EXT2: variants seen among roughly 807,000 people sequenced by gnomAD.
EXT2 encodes the protein exostosin-2.
In EXT2, 53 loss-of-function variants were observed where a neutral mutation model predicts 81.6. The ratio of observed to expected loss-of-function variants is 0.65; its 90% confidence interval spans 0.52 to 0.82. The LOEUF is 0.82. Among genes scored for constraint, EXT2 ranks in the 40% least tolerant of loss-of-function variants. The probability of loss-of-function intolerance (pLI) is 0.00; values close to 1 mark genes in which losing one functional copy is unlikely to be tolerated. For missense variants in EXT2, 774 were observed against 910.2 expected, an observed-to-expected ratio of 0.85 and a Z score of 1.93; for synonymous variants, 320 against 340.0, an observed-to-expected ratio of 0.94 and a Z score of 0.65.
At chr11:44,144,425 G>T (rs1322152356) in intron 7 of EXT2, 1 of 1,132,820 alleles carries the variant, frequency 8.8e-7, no homozygotes, top group Non-Finnish European at 1.3e-6. Context: ...CAGTTTTATT[G>T]GTCAGTGGCT....
intron 7 of EXT2, among the ~76,000 whole-genome samples, chr11:44,157,052 G>T (rs921453565): frequency 6.6e-6 from 1 of 152,200 alleles, no homozygotes; most frequent in African/African-American, 2.4e-5. Context: ...AAAGTCTCTT[G>T]TTCTCTTTTC....
chr11:44,204,765 G>GT (rs1955562742), intron 9 of EXT2, among the ~76,000 whole-genome samples: 1 of 152,158 alleles, frequency 6.6e-6, no homozygotes, highest in Admixed American at 6.5e-5. Flanking sequence ...AGGTGGAGTA[G>GT]TTTCATCCTA....
intron 10 of EXT2, among the ~76,000 whole-genome samples, chr11:44,213,552 T>A (rs957420227): frequency 6.6e-6 from 1 of 152,174 alleles, no homozygotes; most frequent in Admixed American, 6.5e-5. Flanking sequence ...AAGAGCTAAA[T>A]GGAAATTTCA....
At chr11:44,160,414 G>A (rs904160306) in intron 7 of EXT2, among the ~76,000 whole-genome samples, 4 of 152,154 alleles carry the variant, frequency 2.6e-5, no homozygotes, top group Non-Finnish European at 5.9e-5. Flanking sequence ...TTTTACTTGT[G>A]TTAGGACAGA....
At chr11:44,149,376 T>C (rs998853131) in intron 7 of EXT2, among the ~76,000 whole-genome samples, 1 of 152,044 alleles carries the variant, frequency 6.6e-6, no homozygotes, top group African/African-American at 2.4e-5. Flanking sequence ...ACAGTTGGAG[T>C]TTGGAATCCC....
intron 9 of EXT2, 28 bp downstream of exon 9, chr11:44,198,046 T>C (rs1470417822): frequency 6.2e-7 from 1 of 1,613,068 alleles, no homozygotes; most frequent in East Asian, 2.2e-5. Flanking sequence ...CTCTCTCAGC[T>C]GGATCAATTT....
At chr11:44,134,057 C>G (rs1439341082) in intron 7 of EXT2, among the ~76,000 whole-genome samples, 1 of 152,218 alleles carries the variant, frequency 6.6e-6, no homozygotes, top group African/African-American at 2.4e-5. Context: ...ACCTGTGTCT[C>G]TGGTATCTAT....
At chr11:44,218,073 A>G (rs1590656534) in intron 10 of EXT2, among the ~76,000 whole-genome samples, 1 of 152,224 alleles carries the variant, frequency 6.6e-6, no homozygotes, top group African/African-American at 2.4e-5. Context: ...CAACCTGGGC[A>G]TCTTGTAGGT....
chr11:44,169,674 G>C (rs373570864), intron 7 of EXT2, among the ~76,000 whole-genome samples: 1 of 152,124 alleles, frequency 6.6e-6, no homozygotes, highest in Non-Finnish European at 1.5e-5. Context: ...GTAACAGATT[G>C]ATTATCCCTT....
intron 7 of EXT2, chr11:44,144,266 G>A (rs774347143): frequency 6.3e-7 from 1 of 1,598,420 alleles, no homozygotes; most frequent in Non-Finnish European, 8.5e-7. Context: ...GAACCAGCCA[G>A]GAGAGAGAAC....
intron 4 of EXT2, chr11:44,115,928 C>T (rs1428639077): frequency 6.6e-6 from 1 of 152,140 alleles, no homozygotes; most frequent in Non-Finnish European, 1.5e-5. Context: ...CTGAGTGGTT[C>T]ATGAAGTTGT....
intron 6 of EXT2, among the ~76,000 whole-genome samples, chr11:44,127,886 G>A (rs1237954199): frequency 6.6e-6 from 1 of 152,182 alleles, no homozygotes; most frequent in Non-Finnish European, 1.5e-5. Context: ...TGTACAGATG[G>A]ACCCAGTTCC....
intron 13 of EXT2, among the ~76,000 whole-genome samples, chr11:44,237,121 C>A (rs1955974945): frequency 6.6e-6 from 1 of 152,098 alleles, no homozygotes; most frequent in Non-Finnish European, 1.5e-5. Context: ...CCCAGTAGTG[C>A]TTGTCAGGGG....
chr11:44,243,786 TA>T (rs1294344982), intron 13 of EXT2, among the ~76,000 whole-genome samples: 1 of 152,066 alleles, frequency 6.6e-6, no homozygotes, highest in African/African-American at 2.4e-5. Context: ...TGTTGGCAGC[TA>T]ATCCACCTTG....
At chr11:44,115,377 TC>T (rs1158468206) in intron 4 of EXT2, among the ~76,000 whole-genome samples, 1 of 152,154 alleles carries the variant, frequency 6.6e-6, no homozygotes, top group Admixed American at 6.5e-5. Flanking sequence ...TACCATATCT[TC>T]AGTGTCTGGC....
At chr11:44,142,739 T>C (rs1954662636) in intron 7 of EXT2, among the ~76,000 whole-genome samples, 1 of 152,152 alleles carries the variant, frequency 6.6e-6, no homozygotes, top group Non-Finnish European at 1.5e-5. Flanking sequence ...TTGATGGGAA[T>C]GAGGAGACCT....
intron 7 of EXT2, among the ~76,000 whole-genome samples, chr11:44,148,595 A>T (rs1954752029): frequency 6.6e-6 from 1 of 152,182 alleles, no homozygotes; most frequent in Non-Finnish European, 1.5e-5. Context: ...AATAGGGATA[A>T]TTGGGTTGTG....
Position 44,230,648 on chromosome 11 carries a change from G to C in EXT2, c.1663-1705G>C. 1.3e-5 allele frequency among the ~76,000 whole-genome samples: 2 copies of C among 152,160 alleles called. 1 individual carries two copies. Among genetic ancestry groups the C allele is most frequent in the East Asian group, 3.9e-4 (2 of 5,186 alleles). On this transcript the variant is annotated intron_variant, in intron 10 of 13. Coordinates refer to ENST00000533608, the MANE Select transcript of EXT2 (RefSeq NM_207122.2). ...TTGGAGTGAGGCATCTACAAGCCAG[G>C]CAATGCCAGAGATTGACAGCCAGCT...
chr11:44,214,763 T>C, intron 10 of EXT2, among the ~76,000 whole-genome samples: 1 of 152,032 alleles, frequency 6.6e-6, no homozygotes. Context: ...TTTTTTTTTT[T>C]TTTAAAGACA....
Sources: gnomAD v4.1 joint callset for allele counts (sites outside exome capture counted in the v4.1 genomes callset) on GRCh38, gnomAD v4.1.1 for gene constraint, MANE v1.5 for transcripts, NCBI Gene and HGNC (gene_info 2026-07-23, HGNC 2026-07-21) for gene names.